The following PIK3C2G variants were observed in gnomAD, a reference collection of about 807,000 sequenced individuals.
PIK3C2G encodes the protein phosphatidylinositol 3-kinase C2 domain-containing subunit gamma.
PIK3C2G carries 168 observed loss-of-function variants against 181.1 expected under a neutral mutation model. That is an observed-to-expected ratio of 0.93 (90% CI 0.82 to 1.05). The LOEUF (loss-of-function observed/expected upper bound fraction) is 1.05, where lower values mean the gene tolerates loss of function less well. PIK3C2G is among the 50% of genes least tolerant of loss of function. PIK3C2G has a pLI of 0.00. For missense variants in PIK3C2G, 1,869 were observed against 1,732.8 expected (o/e 1.08, Z -1.40); for synonymous variants, 573 against 592.2 (o/e 0.97, Z 0.47).
At chr12:18,688,502 A>T in the PIK3C2G span, among the ~76,000 whole-genome samples, 1 of 151,918 alleles carries the variant, frequency 6.6e-6, no homozygotes, top group African/African-American at 2.4e-5. Flanking sequence ...TTATGATCAC[A>T]TTTCAGGGAA....
At chr12:18,573,631 G>A (rs1453326587) in intron 29 of PIK3C2G, among the ~76,000 whole-genome samples, 1 of 152,134 alleles carries the variant, frequency 6.6e-6, no homozygotes, top group Admixed American at 6.5e-5. Flanking sequence ...AAAAGCAAAT[G>A]TCTAGCTGTT....
At chr12:18,493,923 T>C (rs998038148) in intron 20 of PIK3C2G, among the ~76,000 whole-genome samples, 1 of 152,180 alleles carries the variant, frequency 6.6e-6, no homozygotes, top group Admixed American at 6.5e-5. Flanking sequence ...CTATTTCCTT[T>C]TAAATCACTA....
At chr12:18,702,570 T>C in the PIK3C2G span, among the ~76,000 whole-genome samples, 1 of 152,160 alleles carries the variant, frequency 6.6e-6, no homozygotes, top group African/African-American at 2.4e-5. Flanking sequence ...TATTCCATCA[T>C]CTTGGGTCTT....
intron 31 of PIK3C2G, among the ~76,000 whole-genome samples, chr12:18,635,867 C>T (rs1170359872): frequency 1.3e-5 from 2 of 152,104 alleles, no homozygotes; most frequent in Non-Finnish European, 1.5e-5. Flanking sequence ...TCCCATAGGC[C>T]CACTAGTCAT....
chr12:18,498,714 A>C (rs1941202548), intron 22 of PIK3C2G, among the ~76,000 whole-genome samples: 2 of 152,146 alleles, frequency 1.3e-5, no homozygotes, highest in African/African-American at 4.8e-5. Context: ...TAAGTATGAA[A>C]ACACCTCCAA....
At chr12:18,576,107 C>T (rs1946220297) in intron 29 of PIK3C2G, among the ~76,000 whole-genome samples, 1 of 152,156 alleles carries the variant, frequency 6.6e-6, no homozygotes, top group African/African-American at 2.4e-5. Context: ...CAAATAGTGA[C>T]ACACATTTTA....
intron 14 of PIK3C2G, among the ~76,000 whole-genome samples, chr12:18,383,178 A>C (rs899638879): frequency 2.6e-5 from 4 of 152,238 alleles, no homozygotes; most frequent in Admixed American, 6.5e-5. Flanking sequence ...GAAAAATAGC[A>C]AAATGCCAGA....
intron 8 of PIK3C2G, among the ~76,000 whole-genome samples, chr12:18,329,208 TAGAGGGTTTTGTGCGA>T (rs1033325782): frequency 1.3e-5 from 2 of 151,922 alleles, no homozygotes; most frequent in Non-Finnish European, 2.9e-5. Flanking sequence ...TGGAGAAAAC[TAGAGGGTTTTGTGCGA>T]AGGAATAACA....
At chr12:18,417,114 G>A (rs577121816) in intron 16 of PIK3C2G, among the ~76,000 whole-genome samples, 3 of 152,294 alleles carry the variant, frequency 2.0e-5, no homozygotes, top group Admixed American at 1.3e-4. Context: ...GTCTTCAGTG[G>A]AGGAAGGAAC....
Position 18,563,405 on chromosome 12 carries a change from A to G in PIK3C2G, c.3809A>G (p.Asn1270Ser), listed in dbSNP as rs1945450729. 1 of 1,613,222 alleles carries G rather than the reference A, an allele frequency of 6.2e-7. No individual in the cohort carries two copies. Among genetic ancestry groups the G allele is most frequent in the African/African-American group, 1.3e-5 (1 of 74,922 alleles). The change falls in exon 28 of 33, where the codon AAC (asparagine) becomes AGC (serine). Residue 1270 changes from asparagine to serine, a missense_variant. Physicochemically the swap from Asn to Ser is conservative, Grantham distance 46 (BLOSUM62 1). Transcript: ENST00000538779. ...TATCTGATCCAGGTGACACACAGCA[A>G]CAACGAAACAAGCCTGACAGAAAAA... ...NLYLIQVTHS[N>S]NETSLTEKSF... is the part of the protein sequence containing the mutation.
chr12:18,381,910 A>G, intron 14 of PIK3C2G, 30 bp downstream of exon 14: 1 of 1,270,702 alleles, frequency 7.9e-7, no homozygotes, highest in Non-Finnish European at 1.2e-6. Flanking sequence ...ATTAAAGTAC[A>G]CATGGCAAGT....
At chr12:18,530,962 A>G (rs767605523) in intron 24 of PIK3C2G, among the ~76,000 whole-genome samples, 1 of 152,048 alleles carries the variant, frequency 6.6e-6, no homozygotes, top group African/African-American at 2.4e-5. Context: ...GGAATAATAC[A>G]CCTTTGGGAT....
At position 18,530,788 on chromosome 12, in the gene PIK3C2G, C is replaced by T. The variant is rs562512742; in HGVS notation, c.3324-7368C>T. ...CACTTCCCCCTCACCTGCTCCACCA[C>T]GTGAAGATGGTGCCTGCTTCCCCTC... On this transcript the variant is annotated intron_variant, in intron 24 of 32. Coordinates refer to ENST00000538779, the MANE Select transcript of PIK3C2G (RefSeq NM_001288772.2). 9.9e-5 allele frequency among the ~76,000 whole-genome samples: 15 copies of T among 152,168 alleles called. No individual in the cohort carries two copies. The South Asian group carries it at 2.7e-3, about 27-fold the overall frequency.
chr12:18,694,030 C>T, the PIK3C2G span: 1 of 1,452,586 alleles, frequency 6.9e-7, no homozygotes, highest in Admixed American at 1.7e-5. Flanking sequence ...CAAATGAAGA[C>T]TTCAAAAAAT....
At chr12:18,600,660 A>T (rs1006080255) in intron 30 of PIK3C2G, among the ~76,000 whole-genome samples, 91 of 152,120 alleles carry the variant, frequency 6.0e-4, no homozygotes, top group African/African-American at 2.2e-3. Flanking sequence ...ATAGTAACAG[A>T]CTACCTGTTC....
intron 8 of PIK3C2G, among the ~76,000 whole-genome samples, chr12:18,333,343 T>C (rs1327471484): frequency 1.3e-5 from 2 of 152,136 alleles, no homozygotes; most frequent in East Asian, 3.9e-4. Flanking sequence ...AACGTGCAGG[T>C]TTGTTACATA....
At chr12:18,513,943 T>C (rs1942372966) in intron 24 of PIK3C2G, among the ~76,000 whole-genome samples, 2 of 151,796 alleles carry the variant, frequency 1.3e-5, no homozygotes, top group South Asian at 4.1e-4. Context: ...TTATGTTACA[T>C]TGCTTATTTG....
the PIK3C2G span, chr12:18,723,417 A>C: frequency 5.6e-6 from 9 of 1,612,952 alleles, no homozygotes; most frequent in African/African-American, 5.3e-5. Context: ...TACTTGCTAA[A>C]AGAATTTTCC....
chr12:18,563,388 C>T lies in PIK3C2G; in HGVS notation c.3792C>T (p.Ile1264=). 8 of 1,611,806 alleles carry T rather than the reference C, an allele frequency of 5.0e-6. No homozygotes were observed. The highest frequency in any genetic ancestry group is 5.9e-6 in the Non-Finnish European group (7 of 1,178,740). The change falls in exon 28 of 33, where the codon ATC becomes ATT. Residue 1264 remains isoleucine (I), a synonymous_variant. Transcript: ENST00000538779. ...TTTACTTTCTGCAGCTGTATCTGAT[C>T]CAGGTGACACACAGCAACAACGAAA... The part of the protein sequence containing the change: ...FSKKSSNLYL[I]QVTHSNNETS...
Sources: gnomAD v4.1 joint callset for allele counts (sites outside exome capture counted in the v4.1 genomes callset) on GRCh38, gnomAD v4.1.1 for gene constraint, MANE v1.5 for transcripts, NCBI Gene and HGNC (gene_info 2026-07-23, HGNC 2026-07-21) for gene names.